FHIP1A: variants seen among roughly 807,000 people sequenced by gnomAD.
FHIP1A encodes FHF complex subunit HOOK-interacting protein 1A.
FHIP1A carries 61 observed loss-of-function variants against 88.6 expected under a neutral mutation model. The ratio of observed to expected loss-of-function variants is 0.69; its 90% CI spans 0.56 to 0.85. The LOEUF (loss-of-function observed/expected upper bound fraction) is 0.85. Ranked by LOEUF, FHIP1A falls within the 40% of genes least tolerant of loss-of-function variation. The probability of loss-of-function intolerance (pLI) is 0.00; values close to 1 mark genes in which losing one functional copy is unlikely to be tolerated. For synonymous variants in FHIP1A, 478 were observed against 496.0 expected (o/e 0.96, Z 0.48); for missense variants, 1,154 against 1,273.5 (o/e 0.91, Z 1.43).
chr4:151,565,591 C>T (rs1478871090), intron 3 of FHIP1A, among the ~76,000 whole-genome samples: 1 of 152,018 alleles, frequency 6.6e-6, no homozygotes, highest in Non-Finnish European at 1.5e-5. Flanking sequence ...AATATTCAAT[C>T]AAATTAGACC....
chr4:151,411,343 A>ATTCTTTTCT (rs370374898), intron 1 of FHIP1A, among the ~76,000 whole-genome samples: 1 of 112,180 alleles, frequency 8.9e-6, no homozygotes, highest in African/African-American at 3.7e-5. Context: ...GTGAAATTAT[A>ATTCTTTTCT]TATATATTTT....
At position 151,662,666 on chromosome 4, in the gene FHIP1A, A is replaced by T. The variant is rs1737509757; in HGVS notation, c.3035A>T (p.Glu1012Val). 6.4e-7 allele frequency: 1 copy of T among 1,550,704 alleles called. No individual in the cohort carries two copies. The highest frequency in any genetic ancestry group is 1.2e-5 in the South Asian group (1 of 84,006). Residue 1012 changes from glutamate (E) to valine (V), a missense_variant, in exon 14 of 14, where the codon GAG becomes GTG. Coordinates refer to ENST00000435205, the MANE Select transcript of FHIP1A (RefSeq NM_001109977.3). ...ATGCTGGCTGCTGCCCTCTTCCCAGAGTTCCTGAAGGAGCTGGCGGCCTTG... is the reference window on the plus strand; with the variant it reads ...ATGCTGGCTGCTGCCCTCTTCCCAGTGTTCCTGAAGGAGCTGGCGGCCTTG... Reference protein sequence around the residue: ...NPMLAAALFPEFLKELAALAQ... With the variant: ...NPMLAAALFPVFLKELAALAQ...
intron 2 of FHIP1A, among the ~76,000 whole-genome samples, chr4:151,463,920 A>G (rs971989454): frequency 6.6e-6 from 1 of 152,156 alleles, no homozygotes; most frequent in African/African-American, 2.4e-5. Context: ...GTGAATTTGG[A>G]AGCTCCTATA....
intron 1 of FHIP1A, among the ~76,000 whole-genome samples, chr4:151,446,420 A>G (rs2126570707): frequency 6.6e-6 from 1 of 151,128 alleles, no homozygotes; most frequent in South Asian, 2.1e-4. Context: ...CTGTACATAT[A>G]CACACATAAT....
chr4:151,509,581 G>T (rs542489178), intron 3 of FHIP1A, among the ~76,000 whole-genome samples: 87 of 152,214 alleles, frequency 5.7e-4, no homozygotes, highest in Non-Finnish European at 1.1e-3. Flanking sequence ...TGTGTGAAAT[G>T]TACCTCGGTT....
intron 7 of FHIP1A, among the ~76,000 whole-genome samples, chr4:151,622,856 G>T (rs1735798443): frequency 1.3e-5 from 2 of 152,020 alleles, no homozygotes; most frequent in African/African-American, 4.8e-5. Context: ...TTTCTTATGG[G>T]TTATTTGGGT....
chr4:151,515,385 A>C (rs1731190770), intron 3 of FHIP1A, among the ~76,000 whole-genome samples: 1 of 152,080 alleles, frequency 6.6e-6, no homozygotes, highest in South Asian at 2.1e-4. Flanking sequence ...TCCCTTTGAA[A>C]AGTGGCACAA....
At chr4:151,571,158 T>C (rs1319623704) in intron 4 of FHIP1A, among the ~76,000 whole-genome samples, 2 of 152,238 alleles carry the variant, frequency 1.3e-5, no homozygotes, top group East Asian at 3.8e-4. Context: ...CTATTCATTT[T>C]CTATCTGCTC....
Position 151,649,561 on chromosome 4 carries a change from C to T in FHIP1A, c.1520C>T (p.Ala507Val). The T allele has an allele frequency of 6.4e-7, 1 of 1,551,694 alleles. No homozygotes were observed. The highest frequency in any genetic ancestry group is 1.2e-5 in the South Asian group (1 of 84,062). ...AGCTACCTGCAGTACCTGTGGGAGG[C>T]CCACACCAACATCCTCCGCTGCATG... ...DISYLQYLWE[A>V]HTNILRCMRD... Residue 507 changes from alanine (A) to valine (V), a missense_variant, in exon 11 of 14, where the codon GCC becomes GTC. Physicochemically the swap from Ala to Val is moderately conservative, Grantham distance 64. Transcript: ENST00000435205.
intron 1 of FHIP1A, among the ~76,000 whole-genome samples, chr4:151,450,488 A>G (rs1447756393): frequency 6.6e-6 from 1 of 152,070 alleles, no homozygotes; most frequent in African/African-American, 2.4e-5. Context: ...TGGATTGTGT[A>G]TTTGTTTATT....
intron 9 of FHIP1A, among the ~76,000 whole-genome samples, chr4:151,642,280 A>G (rs1399940147): frequency 2.0e-5 from 3 of 152,144 alleles, no homozygotes; most frequent in Non-Finnish European, 4.4e-5. Context: ...ATTGAATACT[A>G]TTTCTGAATA....
chr4:151,667,578 T>C lies in FHIP1A; in HGVS notation c.*4824T>C, dbSNP rs1302138384. Among the ~76,000 whole-genome samples the C allele has an allele frequency of 2.0e-5, 3 of 152,182 alleles. No homozygotes were observed. The highest frequency in any genetic ancestry group is 4.4e-5 in the Non-Finnish European group (3 of 68,022). Reference sequence around the variant, plus strand: ...CTCAATAACTGGATAAACAGGACTTTAGTGAAAGATTTTCAGAGGTTCTTT... The same window carrying C: ...CTCAATAACTGGATAAACAGGACTTCAGTGAAAGATTTTCAGAGGTTCTTT... On this transcript the variant is annotated 3_prime_UTR_variant, in exon 14 of 14. Transcript: ENST00000435205.
chr4:151,653,395 T>C (rs904792190), intron 11 of FHIP1A, among the ~76,000 whole-genome samples: 1 of 152,102 alleles, frequency 6.6e-6, no homozygotes, highest in South Asian at 2.1e-4. Context: ...CCTCTCCCTC[T>C]CTCTCCTTGG....
chr4:151,592,426 G>A lies in FHIP1A; in HGVS notation c.978+3500G>A, dbSNP rs190266861. On this transcript the variant is annotated intron_variant, in intron 7 of 13. Coordinates refer to ENST00000435205, the MANE Select transcript of FHIP1A (RefSeq NM_001109977.3). ...TGAGATTACAGGCGTGAGCCACCGC[G>A]CCCGGCTGTTCCCTGACTTTTTAAT... 9.9e-5 allele frequency among the ~76,000 whole-genome samples: 15 copies of A among 152,222 alleles called. No homozygotes were observed. In the East Asian group the frequency reaches 1.9e-3, roughly 20 times the overall value.
rs566135311 is a variant in FHIP1A, at chr4:151,567,690, A to G, written c.105+1326A>G. ...TTGGGTGTAGGAAGAATATTTTAGA[A>G]GGTCTGTTTCTATCTTTACCTTTTA... On this transcript the variant is annotated intron_variant, in intron 4 of 13. Coordinates refer to ENST00000435205, the MANE Select transcript of FHIP1A (RefSeq NM_001109977.3). Among the ~76,000 whole-genome samples the G allele has an allele frequency of 3.3e-5, 5 of 152,224 alleles. No individual in the cohort carries two copies. In the South Asian group the frequency reaches 8.3e-4, roughly 25 times the overall value.
intron 3 of FHIP1A, among the ~76,000 whole-genome samples, chr4:151,541,405 A>G (rs1034062315): frequency 6.6e-6 from 1 of 152,196 alleles, no homozygotes; most frequent in Non-Finnish European, 1.5e-5. Flanking sequence ...ATACATTTTT[A>G]CAGTCCTTTA....
chr4:151,641,450 G>T (rs1260421458), intron 9 of FHIP1A, among the ~76,000 whole-genome samples: 9 of 152,284 alleles, frequency 5.9e-5, no homozygotes, highest in African/African-American at 2.2e-4. Context: ...GTAACCTGTG[G>T]CCTGCGGGCC....
chr4:151,536,435 C>T (rs975436636), intron 3 of FHIP1A, among the ~76,000 whole-genome samples: 9 of 152,174 alleles, frequency 5.9e-5, no homozygotes, highest in Admixed American at 2.6e-4. Context: ...CTTATAATCA[C>T]ACCACTTCCC....
At chr4:151,633,721 T>A (rs1388066661) in intron 8 of FHIP1A, among the ~76,000 whole-genome samples, 1 of 151,930 alleles carries the variant, frequency 6.6e-6, no homozygotes, top group Non-Finnish European at 1.5e-5. Flanking sequence ...TCATCTCAAT[T>A]GATACAGAAA....
Sources: gnomAD v4.1 joint callset for allele counts (sites outside exome capture counted in the v4.1 genomes callset) on GRCh38, gnomAD v4.1.1 for gene constraint, MANE v1.5 for transcripts, NCBI Gene and HGNC (gene_info 2026-07-23, HGNC 2026-07-21) for gene names.